CBLIF: variants seen among roughly 807,000 people sequenced by gnomAD.
The protein encoded by CBLIF is cobalamin binding intrinsic factor, also known as gastric intrinsic factor (vitamin B synthesis).
CBLIF carries 24 observed loss-of-function variants against 44.9 expected under a neutral mutation model. The observed-to-expected ratio is 0.53, with a 90% CI of 0.39 to 0.75. CBLIF has a LOEUF of 0.75. Among genes scored for constraint, CBLIF ranks in the 30% least tolerant of loss-of-function variants. CBLIF has a pLI of 0.00. For missense variants in CBLIF, 481 were observed against 513.0 expected (o/e 0.94, Z 0.60); for synonymous variants, 183 against 190.9 (o/e 0.96, Z 0.34).
chr11:59,835,398 T>G (rs1866439920), intron 7 of CBLIF, among the ~76,000 whole-genome samples: 1 of 152,008 alleles, frequency 6.6e-6, no homozygotes, highest in South Asian at 2.1e-4. Context: ...CCTCCCAAAG[T>G]GCTGGGATTA....
chr11:59,839,625 G>A (rs931856018), intron 5 of CBLIF, among the ~76,000 whole-genome samples: 21 of 152,188 alleles, frequency 1.4e-4, no homozygotes, highest in African/African-American at 4.8e-4. Context: ...CAGATTTCAG[G>A]ATGCCTAAAT....
intron 8 of CBLIF, 92 bp downstream of exon 8, chr11:59,831,586 A>T: frequency 1.4e-6 from 1 of 725,676 alleles, no homozygotes; most frequent in Non-Finnish European, 2.5e-6. Context: ...TTATTAATTA[A>T]GTGAATGAAT....
chr11:59,843,889 G>T lies in CBLIF; in HGVS notation c.246C>A (p.Ser82Arg). 1.2e-6 allele frequency: 2 copies of T among 1,612,062 alleles called. 1 individual carries two copies. The highest frequency in any genetic ancestry group is 2.2e-5 in the South Asian group (2 of 91,034). Residue 82 changes from serine (S) to arginine (R), a missense_variant, in exon 2 of 9, where the codon AGC becomes AGA. Physicochemically the swap from Ser to Arg is moderately radical, Grantham distance 110 (BLOSUM62 -1). Transcript: ENST00000257248. Reference protein sequence around the residue: ...QKLLTYQLMSSDNNDLTIGQL... With the variant: ...QKLLTYQLMSRDNNDLTIGQL... ...GCTCAGATGTCTCACCGTTGTTGTC[G>T]CTGGACATGAGCTGGTAAGTCAGGA...
At chr11:59,834,104 C>T (rs138288650) in intron 7 of CBLIF, among the ~76,000 whole-genome samples, 2 of 152,328 alleles carry the variant, frequency 1.3e-5, no homozygotes, top group African/African-American at 4.8e-5. Flanking sequence ...CTGCTATCTA[C>T]TGCATGGGTT....
At chr11:59,843,194 C>G in intron 2 of CBLIF, 53 bp from the exon 3 acceptor site, 1 of 1,059,892 alleles carries the variant, frequency 9.4e-7, no homozygotes, top group Non-Finnish European at 1.5e-6. Flanking sequence ...GGGGACAGCT[C>G]TCCAGGAGCC....
intron 5 of CBLIF, among the ~76,000 whole-genome samples, chr11:59,837,559 A>G (rs974454191): frequency 4.6e-5 from 7 of 152,234 alleles, no homozygotes; most frequent in African/African-American, 1.7e-4. Context: ...CAGACAGCAG[A>G]CACAGAACTG....
chr11:59,830,239 T>TC (rs1866355474), intron 8 of CBLIF, among the ~76,000 whole-genome samples: 1 of 148,944 alleles, frequency 6.7e-6, no homozygotes, highest in East Asian at 1.9e-4. Context: ...CTTTCTTTTT[T>TC]TTTTTTTTTT....
Position 59,841,294 on chromosome 11 carries a change from G to C in CBLIF, c.542C>G (p.Thr181Ser). 6.2e-7 allele frequency: 1 copy of C among 1,613,854 alleles called. No homozygotes were observed. The highest frequency in any genetic ancestry group is 8.5e-7 in the Non-Finnish European group (1 of 1,179,758). ...DTGAMATLAL[T>S]CMYNKIPVGS... is the part of the protein sequence containing the mutation. Reference sequence around the variant, plus strand: ...TACAGGGATCTTGTTGTACATACAGGTCAGAGCCAAGGTTGCCATTGCTCC... The same window carrying C: ...TACAGGGATCTTGTTGTACATACAGCTCAGAGCCAAGGTTGCCATTGCTCC... The change falls in exon 5 of 9, where the codon ACC (threonine) becomes AGC (serine). Residue 181 changes from threonine to serine, a missense_variant. Physicochemically the swap from Thr to Ser is moderately conservative, Grantham distance 58 (BLOSUM62 1). Coordinates refer to ENST00000257248, the MANE Select transcript of CBLIF (RefSeq NM_005142.3).
In CBLIF at chr11:59,845,392, T is replaced by G; in HGVS notation, c.62A>C (p.Gln21Pro). ...LLWATAGTST[Q>P]TQSSCSVPSA... Reference sequence around the variant, plus strand: ...ATACTCACAGCATGAACTCTGGGTCTGGGTACTAGTCCCAGCTGTAGCCCA... The same window carrying G: ...ATACTCACAGCATGAACTCTGGGTCGGGGTACTAGTCCCAGCTGTAGCCCA... The change falls in exon 1 of 9, where the codon CAG becomes CCG. Residue 21 changes from glutamine (Q) to proline (P), a missense_variant. Physicochemically the swap from Gln to Pro is moderately conservative, Grantham distance 76 (BLOSUM62 -1). Transcript: ENST00000257248. The G allele has an allele frequency of 1.9e-6, 3 of 1,612,482 alleles. No homozygotes were observed. The highest frequency in any genetic ancestry group is 2.5e-6 in the Non-Finnish European group (3 of 1,178,546).
chr11:59,833,031 A>G (rs961861672), intron 7 of CBLIF, among the ~76,000 whole-genome samples: 9 of 152,230 alleles, frequency 5.9e-5, no homozygotes, highest in Non-Finnish European at 1.2e-4. Context: ...AAAAACCTAC[A>G]AAAGTTATAA....
At chr11:59,834,546 C>T (rs1028500239) in intron 7 of CBLIF, among the ~76,000 whole-genome samples, 1 of 151,584 alleles carries the variant, frequency 6.6e-6, no homozygotes, top group Non-Finnish European at 1.5e-5. Flanking sequence ...GCACGCACCA[C>T]CACGCCTGGC....
intron 5 of CBLIF, among the ~76,000 whole-genome samples, chr11:59,838,796 T>C (rs1472910391): frequency 1.3e-5 from 2 of 152,120 alleles, no homozygotes; most frequent in Admixed American, 1.3e-4. Context: ...TAGACGTCAT[T>C]AATAACTTTC....
At position 59,842,516 on chromosome 11, in the gene CBLIF, G is replaced by A. The variant is rs748409103; in HGVS notation, c.438C>T (p.Asn146=). ...SLAILALCQK[N]SEATLPIAVR... The stretch of plus-strand genomic sequence containing the variant: ...CGGCTATCGGCAAGGTCGCCTCAGA[G>A]TTCTTCTGGCACAGTGCCAAGATCG... Residue 146 remains asparagine, a synonymous_variant, in exon 4 of 9, where the codon AAC becomes AAT. Coordinates refer to ENST00000257248, the MANE Select transcript of CBLIF (RefSeq NM_005142.3). The A allele has an allele frequency of 7.4e-6, 12 of 1,613,898 alleles. No homozygotes were observed. In the Admixed American group the frequency reaches 1.7e-4, roughly 22 times the overall value.
chr11:59,841,041 A>T lies in CBLIF; in HGVS notation c.693+102T>A, dbSNP rs1866519548. ...CAAAGAATATATCTCAGGTCATACT[A>T]GCTGGACTTTCACAGAGATGTTAGT... is the stretch of plus-strand genomic sequence containing the variant. On this transcript the variant is annotated intron_variant, in intron 5 of 8. Transcript: ENST00000257248. The T allele has an allele frequency of 4.6e-6, 4 of 876,694 alleles. No homozygotes were observed. The East Asian group carries it at 9.6e-5, about 21-fold the overall frequency. The allele number at this position is 876,694 out of a possible 1,614,324, so 54.3% of individuals were successfully genotyped here.
intron 7 of CBLIF, among the ~76,000 whole-genome samples, chr11:59,835,147 CTT>C (rs11307656): frequency 3.3e-4 from 47 of 141,216 alleles, no homozygotes; most frequent in East Asian, 4.1e-4. Flanking sequence ...ATTTCTTTTC[CTT>C]TTTTTTTTTT....
At chr11:59,834,593 A>G (rs961577326) in intron 7 of CBLIF, among the ~76,000 whole-genome samples, 3 of 151,602 alleles carry the variant, frequency 2.0e-5, no homozygotes, top group African/African-American at 7.3e-5. Context: ...AGGTTTCGCC[A>G]TGTTGGCCAG....
Position 59,830,345 on chromosome 11 carries a change from A to T in CBLIF, c.1193-800T>A, listed in dbSNP as rs186924056. On this transcript the variant is annotated intron_variant, in intron 8 of 8. Transcript: ENST00000257248. ...TTCGCCTCCTGGGTTCATGCCATTC[A>T]CCTGCCTCAGCCTCCCGAGTAGCTG... Among the ~76,000 whole-genome samples, 1,072 of 145,426 alleles carry T rather than the reference A, an allele frequency of 7.4e-3. 16 individuals are homozygous for T. The highest frequency in any genetic ancestry group is 0.024 in the African/African-American group (962 of 39,272).
chr11:59,832,066 T>C (rs1228778105), intron 7 of CBLIF, among the ~76,000 whole-genome samples: 1 of 152,130 alleles, frequency 6.6e-6, no homozygotes, highest in East Asian at 1.9e-4. Context: ...TTGAGCATGA[T>C]TTTATCTGAT....
intron 7 of CBLIF, among the ~76,000 whole-genome samples, chr11:59,832,884 A>G (rs1866390444): frequency 6.6e-6 from 1 of 152,200 alleles, no homozygotes; most frequent in Non-Finnish European, 1.5e-5. Flanking sequence ...AGCCATGAAA[A>G]TATTTGTCAA....
Sources: allele counts gnomAD v4.1 joint callset (sites outside exome capture counted in the v4.1 genomes callset), GRCh38; gene constraint gnomAD v4.1.1; transcripts MANE v1.5; gene names NCBI Gene and HGNC (gene_info 2026-07-23, HGNC 2026-07-21).